The following TENM3 variants were observed in gnomAD, a reference collection of about 807,000 sequenced individuals.
TENM3 encodes teneurin transmembrane protein 3.
Under a neutral mutation model 255.1 loss-of-function variants are expected in TENM3, and 63 were observed. The ratio of observed to expected loss-of-function variants is 0.25; its 90% CI spans 0.20 to 0.30. The LOEUF is 0.30. Ranked by LOEUF, TENM3 falls within the 10% of genes least tolerant of loss-of-function variation. The pLI is 1.00. For synonymous variants in TENM3, 1,306 were observed against 1,322.3 expected, an observed-to-expected ratio of 0.99 and a Z score of 0.27; for missense variants, 2,929 against 3,461.1, an observed-to-expected ratio of 0.85 and a Z score of 3.86.
At chr4:181,732,873 G>T in the TENM3 span, among the ~76,000 whole-genome samples, 23 of 152,132 alleles carry the variant, frequency 1.5e-4, no homozygotes, top group African/African-American at 5.6e-4. Flanking sequence ...CAAACCATTT[G>T]CAGACTATTG....
At chr4:182,728,715 G>C (rs1349527166) in intron 13 of TENM3, among the ~76,000 whole-genome samples, 1 of 151,980 alleles carries the variant, frequency 6.6e-6, no homozygotes. Context: ...CCTAGAAAAG[G>C]TACCGTAAAA....
chr4:182,627,104 T>G lies in TENM3; in HGVS notation c.750-1547T>G, dbSNP rs6820585. ...TTTCACGTAATAGTTTTCTGGAGATTGATTCTTTGTAACTTTTAAATACCT... is the reference window on the plus strand; with the variant it reads ...TTTCACGTAATAGTTTTCTGGAGATGGATTCTTTGTAACTTTTAAATACCT... On this transcript the variant is annotated intron_variant, in intron 4 of 27. Coordinates refer to ENST00000511685, the MANE Select transcript of TENM3 (RefSeq NM_001080477.4). Among the ~76,000 whole-genome samples the G allele has an allele frequency of 2.6e-5, 4 of 152,316 alleles. No individual in the cohort carries two copies. The East Asian group carries it at 7.7e-4, about 29-fold the overall frequency.
rs780553474 is a variant in TENM3, at chr4:182,799,881, A to G, written c.7630A>G (p.Lys2544Glu). 2.5e-6 allele frequency: 4 copies of G among 1,610,530 alleles called. No homozygotes were observed. Among genetic ancestry groups the G allele is most frequent in the Non-Finnish European group, 3.4e-6 (4 of 1,178,636 alleles). Residue 2544 changes from lysine to glutamate, a missense_variant, in exon 28 of 28, where the codon AAG becomes GAG. Lys to Glu is a moderately conservative substitution (Grantham distance 56). Transcript: ENST00000511685. This position sits in a 1 kb window ranked among gnomAD's most constrained non-coding sequence, Gnocchi z 4.2. ...LENLHFTIEG[K>E]DTHYFIKTTT... ...GAACCTGCACTTCACCATCGAGGGC[A>G]AGGACACGCACTACTTCATCAAGAC...
the TENM3 span, among the ~76,000 whole-genome samples, chr4:181,532,259 GC>G: frequency 5.9e-5 from 9 of 152,088 alleles, no homozygotes; most frequent in Non-Finnish European, 1.3e-4. Flanking sequence ...GCAAAATTGG[GC>G]TTTAGGACTA....
chr4:181,844,714 A>T, the TENM3 span, among the ~76,000 whole-genome samples: 1 of 152,182 alleles, frequency 6.6e-6, no homozygotes, highest in East Asian at 1.9e-4. Context: ...TGTAAAGGAT[A>T]CAGATGATCT....
the TENM3 span, among the ~76,000 whole-genome samples, chr4:181,568,124 T>A: frequency 6.6e-6 from 1 of 151,762 alleles, no homozygotes; most frequent in Admixed American, 6.6e-5. Flanking sequence ...GTTTTCTCCA[T>A]AGGAAGGGTT....
At chr4:182,091,717 A>G in the TENM3 span, among the ~76,000 whole-genome samples, 3 of 152,212 alleles carry the variant, frequency 2.0e-5, 1 homozygote, top group African/African-American at 7.2e-5. Context: ...ATCTAGAAAT[A>G]GAGGGTCTTT....
intron 3 of TENM3, among the ~76,000 whole-genome samples, chr4:182,517,123 A>C (rs906879222): frequency 6.6e-6 from 1 of 152,164 alleles, no homozygotes; most frequent in Admixed American, 6.5e-5. Flanking sequence ...GAAACTCTGC[A>C]TTTTGAAAGA....
rs191874597 is a variant in TENM3, at chr4:182,444,617, G to T, written c.511+97688G>T. ...ACTAATATTGGCCTATTTGTTTCCT[G>T]ACCTCTTGAGGTAATTTGAAAACAC... On this transcript the variant is annotated intron_variant, in intron 3 of 27. Transcript: ENST00000511685. Among the ~76,000 whole-genome samples the T allele has an allele frequency of 2.2e-4, 34 of 152,146 alleles. No individual in the cohort carries two copies. The East Asian group carries it at 6.2e-3, about 28-fold the overall frequency.
the TENM3 span, among the ~76,000 whole-genome samples, chr4:181,496,176 G>T: frequency 6.6e-6 from 1 of 151,964 alleles, no homozygotes; most frequent in Non-Finnish European, 1.5e-5. Context: ...GAGGCCCAAG[G>T]AAAAAATAAC....
chr4:182,587,421 AAAAAT>A (rs1268794508), intron 3 of TENM3, among the ~76,000 whole-genome samples: 1 of 152,082 alleles, frequency 6.6e-6, no homozygotes, highest in Non-Finnish European at 1.5e-5. Flanking sequence ...TGGCTGGGCT[AAAAAT>A]ACAAAAATTT....
chr4:182,230,505 T>A (rs1756488442), intron 1 of TENM3, among the ~76,000 whole-genome samples: 1 of 152,024 alleles, frequency 6.6e-6, no homozygotes, highest in South Asian at 2.1e-4. Flanking sequence ...TAAACTCTTT[T>A]CTAGGTGCTT....
At position 182,737,025 on chromosome 4, in the gene TENM3, A is replaced by T. The variant is rs780910192; in HGVS notation, c.3185A>T (p.Asp1062Val). 2 of 1,613,890 alleles carry T rather than the reference A, an allele frequency of 1.2e-6. No individual in the cohort carries two copies. Among genetic ancestry groups the T allele is most frequent in the Non-Finnish European group, 1.7e-6 (2 of 1,179,808 alleles). Residue 1062 changes from aspartate to valine, a missense_variant, in exon 17 of 28, where the codon GAT (aspartate) becomes GTT (valine). Transcript: ENST00000511685. Reference protein sequence around the residue: ...SPNLAYTFIWDKTDAYNQKVY... With the variant: ...SPNLAYTFIWVKTDAYNQKVY... ...AACTTGGCCTATACTTTCATATGGGATAAAACAGATGCATATAATCAGAAA... is the reference window on the plus strand; with the variant it reads ...AACTTGGCCTATACTTTCATATGGGTTAAAACAGATGCATATAATCAGAAA...
the TENM3 span, among the ~76,000 whole-genome samples, chr4:182,095,224 T>A: frequency 6.6e-6 from 1 of 152,170 alleles, no homozygotes; most frequent in Non-Finnish European, 1.5e-5. Context: ...ATAACTGCAC[T>A]CCCATGTTTA....
chr4:181,973,404 A>G, the TENM3 span, among the ~76,000 whole-genome samples: 1 of 152,202 alleles, frequency 6.6e-6, no homozygotes, highest in Admixed American at 6.5e-5. Flanking sequence ...GACCCTGAGC[A>G]AAAGAACCAG....
At chr4:182,084,679 G>A in the TENM3 span, among the ~76,000 whole-genome samples, 1 of 152,080 alleles carries the variant, frequency 6.6e-6, no homozygotes, top group Non-Finnish European at 1.5e-5. Flanking sequence ...AGTAGATGCT[G>A]ACTATCATTA....
chr4:181,551,638 T>C, the TENM3 span, among the ~76,000 whole-genome samples: 19,530 of 152,010 alleles, frequency 0.13, 1,425 homozygotes, highest in Middle Eastern at 0.26. Context: ...AGGGCAATCG[T>C]TGTCACAAAC....
the TENM3 span, among the ~76,000 whole-genome samples, chr4:181,822,902 A>T: frequency 5.3e-5 from 8 of 152,186 alleles, no homozygotes; most frequent in Non-Finnish European, 1.0e-4. Context: ...CCCAGATCCT[A>T]TCTAAAATGA....
the TENM3 span, among the ~76,000 whole-genome samples, chr4:181,653,007 G>C: frequency 6.6e-6 from 1 of 152,226 alleles, no homozygotes; most frequent in South Asian, 2.1e-4. Context: ...AAATGATTTA[G>C]CATACAGCAC....
Sources: allele counts gnomAD v4.1 joint callset (sites outside exome capture counted in the v4.1 genomes callset), GRCh38; gene constraint gnomAD v4.1.1; non-coding constraint Gnocchi (gnomAD v3.1); transcripts MANE v1.5; gene names NCBI Gene and HGNC (gene_info 2026-07-23, HGNC 2026-07-21).